The following PCDHA6 variants were observed in gnomAD, a reference collection of about 807,000 sequenced individuals.
PCDHA6 encodes protocadherin alpha 6.
PCDHA6 carries 55 observed loss-of-function variants against 60.3 expected under a neutral mutation model. That is an observed-to-expected ratio of 0.91 (90% CI 0.73 to 1.14). The LOEUF (loss-of-function observed/expected upper bound fraction) is 1.14, where lower values mean the gene tolerates loss of function less well. PCDHA6 is among the 50% of genes most tolerant of loss of function. The pLI is 0.00. For missense variants in PCDHA6, 1,327 were observed against 1,256.5 expected (o/e 1.06, Z -0.85); for synonymous variants, 652 against 557.9 (o/e 1.17, Z -2.38).
intron 1 of PCDHA6, chr5:140,857,969 T>A: frequency 6.3e-7 from 1 of 1,596,804 alleles, no homozygotes; most frequent in Non-Finnish European, 8.6e-7. Context: ...TGAGACTGAC[T>A]CGCCACGCCA....
intron 3 of PCDHA6, among the ~76,000 whole-genome samples, chr5:141,000,412 TATATA>T (rs2097919858): frequency 7.8e-5 from 8 of 102,770 alleles, no homozygotes; most frequent in African/African-American, 2.3e-4. Flanking sequence ...TATATATATA[TATATA>T]TATATTTTTT....
At chr5:140,834,123 C>T in intron 1 of PCDHA6, 1 of 438,322 alleles carries the variant, frequency 2.3e-6, no homozygotes, top group Non-Finnish European at 4.0e-6. Flanking sequence ...TGAAATAAAA[C>T]TTTTCATCTG....
chr5:140,872,346 G>A (rs2053606612), intron 1 of PCDHA6, among the ~76,000 whole-genome samples: 1 of 152,022 alleles, frequency 6.6e-6, no homozygotes, highest in Admixed American at 6.6e-5. Context: ...ACATGTTCTT[G>A]CCAGGCAAAG....
At position 141,009,773 on chromosome 5, in the gene PCDHA6, A is replaced by C. The variant is rs782087059; in HGVS notation, c.2689A>C (p.Ile897Leu). ...KFIIPGSPAI[I>L]SIRQEPTNSQ... is the part of the protein sequence containing the mutation. ...CATTATCCCAGGATCTCCTGCAATC[A>C]TCTCCATCCGGCAGGAGCCTACTAA... Residue 897 changes from isoleucine to leucine, a missense_variant, in exon 4 of 4, where the codon ATC becomes CTC. Physicochemically the swap from Ile to Leu is conservative, Grantham distance 5. Transcript: ENST00000529310. 1 of 1,614,128 alleles carries C rather than the reference A, an allele frequency of 6.2e-7. No individual in the cohort carries two copies. Among genetic ancestry groups the C allele is most frequent in the East Asian group, 2.2e-5 (1 of 44,878 alleles).
At chr5:140,848,385 C>G (rs2150409736) in intron 1 of PCDHA6, 28 of 1,211,136 alleles carry the variant, frequency 2.3e-5, no homozygotes, top group Non-Finnish European at 2.9e-5. Flanking sequence ...CTTTTTCACT[C>G]TCTCTGTGCT....
intron 3 of PCDHA6, among the ~76,000 whole-genome samples, chr5:140,982,904 T>G (rs1353983952): frequency 1.3e-5 from 2 of 151,900 alleles, no homozygotes; most frequent in African/African-American, 4.8e-5. Context: ...GGTGGCCTTA[T>G]GCACAGAGAT....
chr5:140,984,419 T>C (rs564096734), intron 3 of PCDHA6, among the ~76,000 whole-genome samples: 5 of 152,290 alleles, frequency 3.3e-5, no homozygotes, highest in African/African-American at 9.6e-5. Context: ...TTTACAGAGA[T>C]AGAGAAGGGG....
chr5:140,842,848 G>A lies in PCDHA6; in HGVS notation c.2394+12363G>A, dbSNP rs2150346229. The stretch of plus-strand genomic sequence containing the variant: ...AGCGCTCGCTGTCGAGCTACATTTC[G>A]GTGCACACGGAGAGCGGCAAGGTGT... On this transcript the variant is annotated intron_variant, in intron 1 of 3. Coordinates refer to ENST00000529310, the MANE Select transcript of PCDHA6 (RefSeq NM_018909.4). 2.4e-5 allele frequency: 38 copies of A among 1,593,806 alleles called. 5 individuals are homozygous for A. The highest frequency in any genetic ancestry group is 1.7e-4 in the South Asian group (15 of 90,426).
chr5:140,973,384 CAAAG>C (rs1250756648), intron 1 of PCDHA6, among the ~76,000 whole-genome samples: 4 of 152,194 alleles, frequency 2.6e-5, no homozygotes, highest in Non-Finnish European at 5.9e-5. Context: ...TCAGAATAGA[CAAAG>C]AAATCATATC....
chr5:140,832,090 C>T (rs1233831526), intron 1 of PCDHA6, among the ~76,000 whole-genome samples: 2 of 152,154 alleles, frequency 1.3e-5, no homozygotes, highest in Admixed American at 1.3e-4. Flanking sequence ...ATTTTAAATG[C>T]CATGTTCTAC....
chr5:140,964,079 G>A (rs1209152794), intron 1 of PCDHA6, among the ~76,000 whole-genome samples: 3 of 152,178 alleles, frequency 2.0e-5, no homozygotes, highest in African/African-American at 7.2e-5. Flanking sequence ...GTTAATATTT[G>A]TAGAAAGGGT....
At chr5:140,848,856 G>C in intron 1 of PCDHA6, 1 of 1,590,682 alleles carries the variant, frequency 6.3e-7, no homozygotes, top group Non-Finnish European at 8.6e-7. Context: ...CCATGTGGAC[G>C]TGGAGGTGAA....
rs181226204 is a variant in PCDHA6 at position 140,840,969 on chromosome 5, A to C, written c.2394+10484A>C. On this transcript the variant is annotated intron_variant, in intron 1 of 3. Transcript: ENST00000529310. ...TTGGGAAGAAATTCCTTTCCTTATG[A>C]AGAAGAAATCCCTAGCTGAAACTAA... 5.9e-5 allele frequency among the ~76,000 whole-genome samples: 9 copies of C among 152,188 alleles called. No individual in the cohort carries two copies. The East Asian group carries it at 1.7e-3, about 29-fold the overall frequency.
At chr5:140,923,376 A>T (rs1331786466) in intron 1 of PCDHA6, among the ~76,000 whole-genome samples, 5 of 152,086 alleles carry the variant, frequency 3.3e-5, no homozygotes, top group Non-Finnish European at 7.3e-5. Flanking sequence ...ATATTTTTAA[A>T]AATTAGTTGG....
At chr5:140,953,900 C>G (rs1040959969) in intron 1 of PCDHA6, among the ~76,000 whole-genome samples, 4 of 152,126 alleles carry the variant, frequency 2.6e-5, no homozygotes, top group Non-Finnish European at 5.9e-5. Context: ...GTATTAAGCC[C>G]AGCATCCATT....
At chr5:140,896,823 T>C (rs1248229696) in intron 1 of PCDHA6, among the ~76,000 whole-genome samples, 1 of 152,230 alleles carries the variant, frequency 6.6e-6, no homozygotes, top group Non-Finnish European at 1.5e-5. Context: ...ACTCTGTTCA[T>C]AGTTGTTTTT....
chr5:140,903,966 T>A (rs568850758), intron 1 of PCDHA6, among the ~76,000 whole-genome samples: 1 of 152,360 alleles, frequency 6.6e-6, no homozygotes, highest in Admixed American at 6.5e-5. Context: ...TTTGTTGATT[T>A]TTGGTCTATT....
chr5:140,994,377 G>T (rs1260163825), intron 3 of PCDHA6, among the ~76,000 whole-genome samples: 3 of 152,098 alleles, frequency 2.0e-5, no homozygotes, highest in Non-Finnish European at 4.4e-5. Context: ...GGAAATTCAG[G>T]GGACTAAGTC....
rs114635096 is a variant in PCDHA6 at position 140,845,857 on chromosome 5, A to G, written c.2394+15372A>G. Among the ~76,000 whole-genome samples the G allele has an allele frequency of 6.1e-4, 91 of 149,958 alleles. 1 individual carries two copies. The highest frequency in any genetic ancestry group is 2.1e-3 in the African/African-American group (88 of 41,030). Reference sequence around the variant, plus strand: ...ATTCTTAAGAGAAAAGAAGTTAGTGATTGCAGAAAGGCAACCTAAAATGTC... The same window carrying G: ...ATTCTTAAGAGAAAAGAAGTTAGTGGTTGCAGAAAGGCAACCTAAAATGTC... On this transcript the variant is annotated intron_variant, in intron 1 of 3. Coordinates refer to ENST00000529310, the MANE Select transcript of PCDHA6 (RefSeq NM_018909.4).
Sources: allele counts gnomAD v4.1 joint callset (sites outside exome capture counted in the v4.1 genomes callset), GRCh38; gene constraint gnomAD v4.1.1; transcripts MANE v1.5; gene names NCBI Gene and HGNC (gene_info 2026-07-23, HGNC 2026-07-21).